The following VAPA variants were observed in gnomAD, a reference collection of about 807,000 sequenced individuals.
VAPA encodes vesicle-associated membrane protein-associated protein A.
Under a neutral mutation model 25.6 loss-of-function variants are expected in VAPA, and 6 were observed. The observed-to-expected ratio is 0.23, with a 90% CI of 0.13 to 0.46. VAPA has a LOEUF of 0.46. Ranked by LOEUF, VAPA falls within the 20% of genes least tolerant of loss-of-function variation. The pLI is 0.99. For synonymous variants in VAPA, 112 were observed against 106.2 expected (o/e 1.05, Z -0.34); for missense variants, 244 against 302.1 (o/e 0.81, Z 1.43).
At chr18:9,950,617 C>T in intron 5 of VAPA, 49 bp downstream of exon 5, 6 of 1,574,524 alleles carry the variant, frequency 3.8e-6, no homozygotes, top group Non-Finnish European at 5.2e-6. Flanking sequence ...AGGTATAGGA[C>T]ATGTGAGTGT....
rs1001478658 is a variant in VAPA, at chr18:9,914,458, G to T, written c.79+123G>T. 7.4e-6 allele frequency: 6 copies of T among 815,360 alleles called. No individual in the cohort carries two copies. The African/African-American group carries it at 9.2e-5, about 13-fold the overall frequency. The allele number at this position is 815,360 out of a possible 1,614,324, so 50.5% of individuals were successfully genotyped here. A position where few individuals can be genotyped will look rare whatever the true frequency, so the allele number is the denominator to read the frequency against. On this transcript the variant is annotated intron_variant, in intron 1 of 5. Transcript: ENST00000400000. ...GGGAGCGCCCCCTCCCCCACGCCCCGGCGCCTTCCCTTTCCCGGCTGCTTT... is the reference window on the plus strand; with the variant it reads ...GGGAGCGCCCCCTCCCCCACGCCCCTGCGCCTTCCCTTTCCCGGCTGCTTT...
intron 2 of VAPA, 57 bp from the exon 3 acceptor site, chr18:9,936,052 AT>A (rs1284917873): frequency 3.3e-6 from 4 of 1,219,470 alleles, no homozygotes; most frequent in African/African-American, 1.5e-5. Context: ...AACTGTTTCA[AT>A]GTATGTCTTT....
At chr18:9,927,939 A>G (rs2069215764) in intron 1 of VAPA, among the ~76,000 whole-genome samples, 1 of 152,146 alleles carries the variant, frequency 6.6e-6, no homozygotes, top group African/African-American at 2.4e-5. Flanking sequence ...ATTGAAAGGT[A>G]GAAGTATTTT....
Position 9,959,919 on chromosome 18 carries a change from A to G in VAPA, c.*5708A>G. 1 of 152,122 alleles carries G rather than the reference A, an allele frequency of 6.6e-6. No homozygotes were observed. The highest frequency in any genetic ancestry group is 1.9e-4 in the East Asian group (1 of 5,196). The allele number at this position is 152,122 out of a possible 1,614,324, so 9.4% of individuals were successfully genotyped here. A position where few individuals can be genotyped will look rare whatever the true frequency, so the allele number is the denominator to read the frequency against. On this transcript the variant is annotated 3_prime_UTR_variant, in exon 6 of 6. Coordinates refer to ENST00000400000, the MANE Select transcript of VAPA (RefSeq NM_194434.3). The stretch of plus-strand genomic sequence containing the variant: ...ATATCCTTAATTGTATATAATATGT[A>G]GATAAATATATGAGGGTATTAAGCT...
intron 4 of VAPA, chr18:9,950,172 T>G (rs1599118329): frequency 2.2e-6 from 1 of 456,154 alleles, no homozygotes; most frequent in Admixed American, 4.2e-5. Context: ...ACAATAATTA[T>G]TAAGATACAT....
chr18:9,921,586 A>G (rs2143291991), intron 1 of VAPA, among the ~76,000 whole-genome samples: 1 of 152,338 alleles, frequency 6.6e-6, no homozygotes, highest in South Asian at 2.1e-4. Context: ...TAGTGAAGCA[A>G]ATTGACATAT....
In VAPA at chr18:9,954,644, T is replaced by TAC. The variant is rs2069525948; in HGVS notation, c.*433_*434insAC. 1 of 155,390 alleles carries TAC rather than the reference T, an allele frequency of 6.4e-6. No homozygotes were observed. Among genetic ancestry groups the TAC allele is most frequent in the Non-Finnish European group, 1.4e-5 (1 of 70,122 alleles). The allele number at this position is 155,390 out of a possible 1,614,324, so 9.6% of individuals were successfully genotyped here. A position where few individuals can be genotyped will look rare whatever the true frequency, so the allele number is the denominator to read the frequency against. On this transcript the variant is annotated 3_prime_UTR_variant, in exon 6 of 6. Transcript: ENST00000400000. The stretch of plus-strand genomic sequence containing the variant: ...TCATTCAGGAAATGCCAAGAGGTAT[T>TAC]CCTTGGGGAAATGGTGCCTCTTACA...
At position 9,959,839 on chromosome 18, in the gene VAPA, A is replaced by G. The variant is rs1315487417; in HGVS notation, c.*5628A>G. ...TTGTTTCAAATAGAGGTTTGTTAGGAATTACAGTTGTGGGGAGCAAACTTT... is the reference window on the plus strand; with the variant it reads ...TTGTTTCAAATAGAGGTTTGTTAGGGATTACAGTTGTGGGGAGCAAACTTT... On this transcript the variant is annotated 3_prime_UTR_variant, in exon 6 of 6. Coordinates refer to ENST00000400000, the MANE Select transcript of VAPA (RefSeq NM_194434.3). 6.6e-6 allele frequency: 1 copy of G among 151,782 alleles called. No individual in the cohort carries two copies. The highest frequency in any genetic ancestry group is 6.6e-5 in the Admixed American group (1 of 15,234). The allele number at this position is 151,782 out of a possible 1,614,324, so 9.4% of individuals were successfully genotyped here.
chr18:9,929,882 T>G (rs1028883492), intron 1 of VAPA, among the ~76,000 whole-genome samples: 1 of 152,196 alleles, frequency 6.6e-6, no homozygotes, highest in Admixed American at 6.5e-5. Flanking sequence ...TAGTTTTGAA[T>G]GGGTGAGGTG....
At chr18:9,936,923 G>A (rs1300350824) in intron 3 of VAPA, 63 bp from the exon 4 acceptor site, 2 of 1,450,934 alleles carry the variant, frequency 1.4e-6, no homozygotes, top group Non-Finnish European at 1.9e-6. Flanking sequence ...TGTCCCGTGA[G>A]GTGAAACTTA....
Position 9,954,365 on chromosome 18 carries a change from G to C in VAPA, c.*154G>C. On this transcript the variant is annotated 3_prime_UTR_variant, in exon 6 of 6. Transcript: ENST00000400000. ...GCTTTGCCTTTAATGATCTCTTACG[G>C]TTAGAAAACACAATAAAAACAAACT... 1.5e-6 allele frequency: 1 copy of C among 645,926 alleles called. No individual in the cohort carries two copies. Among genetic ancestry groups the C allele is most frequent in the Non-Finnish European group, 2.6e-6 (1 of 382,886 alleles). The allele number at this position is 645,926 out of a possible 1,614,324, so 40.0% of individuals were successfully genotyped here.
At chr18:9,946,380 AGCCTGCG>A (rs1466057279) in intron 4 of VAPA, among the ~76,000 whole-genome samples, 2 of 152,196 alleles carry the variant, frequency 1.3e-5, no homozygotes, top group African/African-American at 4.8e-5. Context: ...TTCAACCTGC[AGCCTGCG>A]GCCCACACGT....
intron 4 of VAPA, chr18:9,947,624 A>G (rs756090399): frequency 3.3e-5 from 5 of 152,212 alleles, no homozygotes; most frequent in Non-Finnish European, 5.9e-5. Flanking sequence ...GTTACCATTC[A>G]TCAATTTACT....
rs924354564 is a variant in VAPA at position 9,917,525 on chromosome 18, C to T, written c.79+3190C>T. On this transcript the variant is annotated intron_variant, in intron 1 of 5. Coordinates refer to ENST00000400000, the MANE Select transcript of VAPA (RefSeq NM_194434.3). ...CGAACTTCTGACCTCAGGTGATCCG[C>T]CTGCCTTGGCCTCCCAAAGTGCTGG... Among the ~76,000 whole-genome samples, 18 of 152,312 alleles carry T rather than the reference C, an allele frequency of 1.2e-4. 1 individual carries two copies. The highest frequency in any genetic ancestry group is 4.1e-4 in the African/African-American group (17 of 41,568).
At chr18:9,951,294 G>A (rs762300616) in intron 5 of VAPA, 1 of 152,296 alleles carries the variant, frequency 6.6e-6, no homozygotes, top group African/African-American at 2.4e-5. Context: ...TCCCGACACA[G>A]CACATACACA....
intron 1 of VAPA, among the ~76,000 whole-genome samples, chr18:9,916,527 A>G (rs941398247): frequency 6.6e-5 from 10 of 152,200 alleles, no homozygotes; most frequent in African/African-American, 2.4e-4. Context: ...TTAAATGCCC[A>G]ATAGTTTGTT....
intron 4 of VAPA, chr18:9,949,688 T>C (rs1167207645): frequency 6.6e-6 from 1 of 152,244 alleles, no homozygotes; most frequent in Non-Finnish European, 1.5e-5. Flanking sequence ...GAGTGAAGGA[T>C]GTTGGGGTAC....
intron 4 of VAPA, among the ~76,000 whole-genome samples, chr18:9,940,925 T>G (rs1288238755): frequency 1.3e-5 from 2 of 152,194 alleles, no homozygotes; most frequent in African/African-American, 4.8e-5. Flanking sequence ...TTGATTAATG[T>G]GTATGTTAAA....
At chr18:9,915,338 A>T (rs1199369644) in intron 1 of VAPA, among the ~76,000 whole-genome samples, 1 of 152,182 alleles carries the variant, frequency 6.6e-6, no homozygotes, top group Non-Finnish European at 1.5e-5. Flanking sequence ...TAAGTTTTTT[A>T]GTCTGACTTG....
Sources: gnomAD v4.1 joint callset for allele counts (sites outside exome capture counted in the v4.1 genomes callset) on GRCh38, gnomAD v4.1.1 for gene constraint, MANE v1.5 for transcripts, NCBI Gene and HGNC (gene_info 2026-07-23, HGNC 2026-07-21) for gene names.